CACNB4: variants seen among roughly 807,000 people sequenced by gnomAD.
CACNB4 encodes the protein calcium voltage-gated channel auxiliary subunit beta 4, also known as voltage-dependent L-type calcium channel subunit beta-4.
In CACNB4, 32 loss-of-function variants were observed where a neutral mutation model predicts 71.2. That is an observed-to-expected ratio of 0.45 (90% confidence interval 0.34 to 0.60). The LOEUF (loss-of-function observed/expected upper bound fraction) is 0.60, where lower values mean the gene tolerates loss of function less well. Ranked by LOEUF, CACNB4 falls within the 20% of genes least tolerant of loss-of-function variation. The pLI, the probability that CACNB4 is intolerant of heterozygous loss-of-function variation, is 0.01. For missense variants in CACNB4, 464 were observed against 647.9 expected, an observed-to-expected ratio of 0.72 and a Z score of 3.08; for synonymous variants, 231 against 236.9, an observed-to-expected ratio of 0.97 and a Z score of 0.23.
intron 2 of CACNB4, among the ~76,000 whole-genome samples, chr2:151,952,949 G>C (rs2099867306): frequency 6.6e-6 from 1 of 152,168 alleles, no homozygotes; most frequent in Non-Finnish European, 1.5e-5. Context: ...CGTTCAGACT[G>C]GGCTGAATGA....
chr2:152,043,874 T>G (rs1204592916), intron 2 of CACNB4, among the ~76,000 whole-genome samples: 1 of 152,154 alleles, frequency 6.6e-6, no homozygotes, highest in Non-Finnish European at 1.5e-5. Flanking sequence ...TTTCCAGGCT[T>G]CACAAACATT....
At chr2:152,005,171 G>T (rs1174453784) in intron 2 of CACNB4, among the ~76,000 whole-genome samples, 1 of 152,158 alleles carries the variant, frequency 6.6e-6, no homozygotes, top group Non-Finnish European at 1.5e-5. Context: ...CCATTACTGG[G>T]TATCTACTCA....
At chr2:151,984,881 A>AT (rs1396517043) in intron 2 of CACNB4, among the ~76,000 whole-genome samples, 1 of 152,154 alleles carries the variant, frequency 6.6e-6, no homozygotes, top group African/African-American at 2.4e-5. Context: ...CTCAAAACAC[A>AT]TGCTTATGAT....
At chr2:152,081,627 T>A (rs1283531575) in intron 2 of CACNB4, among the ~76,000 whole-genome samples, 1 of 152,184 alleles carries the variant, frequency 6.6e-6, no homozygotes, top group African/African-American at 2.4e-5. Context: ...TTCTTCTTCT[T>A]ACAAGAGCAC....
chr2:151,946,304 G>A (rs967714429), intron 2 of CACNB4, among the ~76,000 whole-genome samples: 3 of 151,326 alleles, frequency 2.0e-5, no homozygotes, highest in Non-Finnish European at 4.4e-5. Flanking sequence ...ACTCCAGCCC[G>A]GGCAACAAGA....
intron 2 of CACNB4, among the ~76,000 whole-genome samples, chr2:151,919,499 T>C (rs541381981): frequency 2.3e-4 from 35 of 152,300 alleles, no homozygotes; most frequent in East Asian, 5.8e-4. Context: ...CAGGGTGAGA[T>C]TGAGGCAAGA....
intron 4 of CACNB4, 55 bp from the exon 5 acceptor site, chr2:151,876,611 TTTA>T: frequency 9.3e-7 from 1 of 1,079,196 alleles, no homozygotes; most frequent in Non-Finnish European, 1.3e-6. Context: ...CTTCACGTTG[TTTA>T]TTAATCTTAG....
At chr2:151,887,236 G>A (rs569267391) in intron 2 of CACNB4, among the ~76,000 whole-genome samples, 2 of 151,860 alleles carry the variant, frequency 1.3e-5, no homozygotes, top group African/African-American at 2.4e-5. Flanking sequence ...AGGTAGGAGC[G>A]AGCTACCCAA....
intron 2 of CACNB4, chr2:151,971,851 C>A: frequency 2.0e-6 from 1 of 495,368 alleles, no homozygotes; most frequent in Admixed American, 3.3e-5. Context: ...GGCCAGATGC[C>A]CAACTCCACT....
intron 2 of CACNB4, among the ~76,000 whole-genome samples, chr2:151,943,798 C>T (rs1179088474): frequency 6.6e-6 from 1 of 152,058 alleles, no homozygotes; most frequent in Non-Finnish European, 1.5e-5. Flanking sequence ...CACATGATAG[C>T]CTTATGCAAA....
intron 2 of CACNB4, among the ~76,000 whole-genome samples, chr2:152,058,446 T>C (rs1158834614): frequency 8.5e-5 from 13 of 152,176 alleles, no homozygotes; most frequent in Admixed American, 8.5e-4. Context: ...GATAGTGATA[T>C]GGGCAGTGAA....
At chr2:152,029,507 A>AAAAAG (rs70974818) in intron 2 of CACNB4, among the ~76,000 whole-genome samples, 32,259 of 103,472 alleles carry the variant, frequency 0.31, 4,967 homozygotes, top group East Asian at 0.42. Context: ...AAAAAAAAAA[A>AAAAAG]AAAAGAAAAG....
chr2:152,016,361 C>T (rs1683342932), intron 2 of CACNB4, among the ~76,000 whole-genome samples: 1 of 152,156 alleles, frequency 6.6e-6, no homozygotes, highest in African/African-American at 2.4e-5. Flanking sequence ...CTTCTAACAT[C>T]CTATTTTGAA....
Position 151,835,493 on chromosome 2 carries a change from A to G in CACNB4, c.*3626T>C, listed in dbSNP as rs564832162. 5 of 152,024 alleles carry G rather than the reference A, an allele frequency of 3.3e-5. No homozygotes were observed. Among genetic ancestry groups the G allele is most frequent in the African/African-American group, 1.2e-4 (5 of 41,548 alleles). The allele number at this position is 152,024 out of a possible 1,614,324, so 9.4% of individuals were successfully genotyped here. A position where few individuals can be genotyped will look rare whatever the true frequency, so the allele number is the denominator to read the frequency against. ...GAGAAGAGGTAGTAAATATATCAGTACATAGGGTAATTTCTACAATGGTAT... is the reference window on the plus strand; with the variant it reads ...GAGAAGAGGTAGTAAATATATCAGTGCATAGGGTAATTTCTACAATGGTAT... On this transcript the variant is annotated 3_prime_UTR_variant, in exon 14 of 14. Transcript: ENST00000539935.
At chr2:151,877,890 A>G (rs1427481582) in intron 4 of CACNB4, among the ~76,000 whole-genome samples, 2 of 152,164 alleles carry the variant, frequency 1.3e-5, no homozygotes, top group African/African-American at 4.8e-5. Context: ...GATTGGCAAA[A>G]TTGCATTTCT....
intron 2 of CACNB4, among the ~76,000 whole-genome samples, chr2:151,905,037 A>T (rs555689746): frequency 6.6e-6 from 1 of 152,338 alleles, no homozygotes; most frequent in South Asian, 2.1e-4. Context: ...GCAATCAAAT[A>T]ACAAAGTGAG....
chr2:152,013,308 A>G (rs1683163090), intron 2 of CACNB4, among the ~76,000 whole-genome samples: 1 of 152,204 alleles, frequency 6.6e-6, no homozygotes, highest in Admixed American at 6.5e-5. Context: ...CACAGGCCAT[A>G]TGAGGATTAC....
At chr2:152,056,074 T>C (rs553507658) in intron 2 of CACNB4, among the ~76,000 whole-genome samples, 3 of 152,132 alleles carry the variant, frequency 2.0e-5, no homozygotes, top group Non-Finnish European at 4.4e-5. Context: ...AGAAATTAGA[T>C]ATTTTCGGCT....
intron 12 of CACNB4, among the ~76,000 whole-genome samples, chr2:151,849,171 A>G (rs959159675): frequency 6.6e-6 from 1 of 152,172 alleles, no homozygotes. Context: ...CTTACTGTCT[A>G]TGACAGATTT....
Sources: allele counts gnomAD v4.1 joint callset (sites outside exome capture counted in the v4.1 genomes callset), GRCh38; gene constraint gnomAD v4.1.1; transcripts MANE v1.5; gene names NCBI Gene and HGNC (gene_info 2026-07-23, HGNC 2026-07-21).